Variants in CLVS1 observed in about 807,000 individuals in gnomAD.
CLVS1 encodes clavesin 1.
CLVS1 carries 10 observed loss-of-function variants against 33.1 expected under a neutral mutation model. The observed-to-expected ratio is 0.30, with a 90% CI of 0.19 to 0.51. The LOEUF (loss-of-function observed/expected upper bound fraction) is 0.51. Among genes scored for constraint, CLVS1 ranks in the 20% least tolerant of loss-of-function variants. CLVS1 has a pLI of 0.97. For synonymous variants in CLVS1, 163 were observed against 166.1 expected, an observed-to-expected ratio of 0.98 and a Z score of 0.14; for missense variants, 343 against 433.4, an observed-to-expected ratio of 0.79 and a Z score of 1.85.
At chr8:61,299,104 C>T (rs969299229) in intron 1 of CLVS1, among the ~76,000 whole-genome samples, 5 of 152,182 alleles carry the variant, frequency 3.3e-5, no homozygotes, top group Admixed American at 2.0e-4. Flanking sequence ...CCACTCTTCA[C>T]ACATACTGGT....
At chr8:61,081,603 A>T (rs1563395240) in intron 1 of CLVS1, among the ~76,000 whole-genome samples, 2 of 152,164 alleles carry the variant, frequency 1.3e-5, no homozygotes, top group Non-Finnish European at 1.5e-5. Flanking sequence ...GTCTCCAGAG[A>T]TGGGCATGTT....
At chr8:61,158,162 A>G (rs931389314) in intron 2 of CLVS1, among the ~76,000 whole-genome samples, 3 of 152,236 alleles carry the variant, frequency 2.0e-5, no homozygotes, top group Non-Finnish European at 4.4e-5. Context: ...GTAGGCAACA[A>G]TATAGATGAA....
intron 3 of CLVS1, among the ~76,000 whole-genome samples, chr8:61,413,933 C>A (rs1815330822): frequency 6.6e-6 from 1 of 152,296 alleles, no homozygotes; most frequent in East Asian, 1.9e-4. Flanking sequence ...ACTGATGATT[C>A]CAGAAATGTG....
At chr8:61,089,790 A>G (rs1169508682) in intron 1 of CLVS1, among the ~76,000 whole-genome samples, 1 of 151,952 alleles carries the variant, frequency 6.6e-6, no homozygotes, top group East Asian at 1.9e-4. Flanking sequence ...GGCATGGGGC[A>G]TGTACCTGCA....
intron 2 of CLVS1, among the ~76,000 whole-genome samples, chr8:61,303,231 G>A (rs755901421): frequency 6.6e-6 from 1 of 152,210 alleles, no homozygotes; most frequent in Admixed American, 6.5e-5. Flanking sequence ...TTTATTTTGT[G>A]TTAGGATTTG....
intron 5 of CLVS1, among the ~76,000 whole-genome samples, chr8:61,483,642 CAA>C (rs562077092): frequency 6.6e-6 from 1 of 151,896 alleles, no homozygotes; most frequent in Admixed American, 6.6e-5. Context: ...AGAGACACAA[CAA>C]AAAAAGAGAA....
At chr8:61,269,272 G>T (rs1654693913) in intron 2 of CLVS1, among the ~76,000 whole-genome samples, 1 of 152,122 alleles carries the variant, frequency 6.6e-6, no homozygotes, top group African/African-American at 2.4e-5. Flanking sequence ...AGTTAAATAG[G>T]GAATCCTCTC....
chr8:61,464,106 AT>A (rs1394746974), intron 5 of CLVS1, among the ~76,000 whole-genome samples: 28 of 141,016 alleles, frequency 2.0e-4, no homozygotes, highest in Middle Eastern at 3.7e-3. Context: ...AAAAAAAAAA[AT>A]TTGAAATATT....
intron 3 of CLVS1, among the ~76,000 whole-genome samples, chr8:61,425,560 G>A (rs1219343865): frequency 6.6e-6 from 1 of 152,160 alleles, no homozygotes; most frequent in Non-Finnish European, 1.5e-5. Context: ...ATTCCAGAAT[G>A]TTTCATCAAC....
At chr8:61,264,792 C>A (rs1287551010) in intron 2 of CLVS1, 1 of 152,170 alleles carries the variant, frequency 6.6e-6, no homozygotes, top group African/African-American at 2.4e-5. Flanking sequence ...TGTCCACATA[C>A]CAGCAGAGCT....
the CLVS1 span, among the ~76,000 whole-genome samples, chr8:60,993,597 C>T: frequency 6.6e-6 from 1 of 152,224 alleles, no homozygotes; most frequent in African/African-American, 2.4e-5. Context: ...GAGCCCTAAC[C>T]ACATAAGCTG....
At chr8:61,152,611 C>A (rs369029953) in intron 2 of CLVS1, among the ~76,000 whole-genome samples, 1 of 152,140 alleles carries the variant, frequency 6.6e-6, no homozygotes, top group Non-Finnish European at 1.5e-5. Context: ...AGCTAGGTCC[C>A]GTCCCTTCAG....
At position 61,218,796 on chromosome 8, in the gene CLVS1, A is replaced by AAAAAT. The variant is rs34022821; in HGVS notation, c.-151-80880_-151-80879insAAATA. Among the ~76,000 whole-genome samples, 60 of 142,462 alleles carry AAAAAT rather than the reference A, an allele frequency of 4.2e-4. 1 individual carries two copies. Among genetic ancestry groups the AAAAAT allele is most frequent in the African/African-American group, 1.3e-3 (49 of 37,786 alleles). 93.5% of individuals were successfully genotyped at this position (142,462 alleles called of 152,430 possible). On this transcript the variant is annotated intron_variant, in intron 2 of 2. Transcript: ENST00000522621. ...GTAAAAATACAAAAAAAAAAAAAAA[A>AAAAAT]AGCTGGGAGTAGTCAGAGGAACTTC...
At chr8:61,076,755 G>A (rs1197352576) in intron 1 of CLVS1, among the ~76,000 whole-genome samples, 1 of 152,204 alleles carries the variant, frequency 6.6e-6, no homozygotes, top group Non-Finnish European at 1.5e-5. Context: ...TCAGGAGAAC[G>A]AGTCATCTCT....
chr8:61,356,526 T>C (rs958087942), intron 2 of CLVS1, among the ~76,000 whole-genome samples: 4 of 151,674 alleles, frequency 2.6e-5, no homozygotes, highest in African/African-American at 9.7e-5. Flanking sequence ...TAGGTTTTCT[T>C]CTAGGGTTTT....
intron 3 of CLVS1, among the ~76,000 whole-genome samples, chr8:61,404,824 G>A (rs959316158): frequency 2.0e-5 from 3 of 152,186 alleles, no homozygotes; most frequent in Admixed American, 2.0e-4. Context: ...AGACCTGTCA[G>A]CAAAATGCTG....
the CLVS1 span, among the ~76,000 whole-genome samples, chr8:60,998,135 G>A: frequency 1.8e-3 from 277 of 152,322 alleles, no homozygotes; most frequent in African/African-American, 6.3e-3. Context: ...CAAGGAGGAT[G>A]TAAGACAAAA....
chr8:61,212,304 C>A (rs1303523367), intron 2 of CLVS1, among the ~76,000 whole-genome samples: 1 of 152,120 alleles, frequency 6.6e-6, no homozygotes, highest in East Asian at 1.9e-4. Flanking sequence ...GATCAAACGG[C>A]AACAGAGGTA....
chr8:61,237,453 A>G (rs1231175645), intron 2 of CLVS1, among the ~76,000 whole-genome samples: 1 of 152,136 alleles, frequency 6.6e-6, no homozygotes, highest in East Asian at 1.9e-4. Context: ...AAAAAGAGGA[A>G]AAATAAGAGG....
Sources: gnomAD v4.1 joint callset for allele counts (sites outside exome capture counted in the v4.1 genomes callset) on GRCh38, gnomAD v4.1.1 for gene constraint, MANE v1.5 for transcripts, NCBI Gene and HGNC (gene_info 2026-07-23, HGNC 2026-07-21) for gene names.